Variants in BTBD2 observed in about 807,000 individuals in gnomAD.
BTBD2 encodes the protein BTB domain containing 2.
BTBD2 carries 15 observed loss-of-function variants against 44.0 expected under a neutral mutation model. The observed-to-expected ratio is 0.34, with a 90% CI of 0.23 to 0.53. The LOEUF (loss-of-function observed/expected upper bound fraction) is 0.53, where lower values mean the gene tolerates loss of function less well. Ranked by LOEUF, BTBD2 falls within the 20% of genes least tolerant of loss-of-function variation. The pLI is 0.95. For synonymous variants in BTBD2, 443 were observed against 335.9 expected, an observed-to-expected ratio of 1.32 and a Z score of -3.49; for missense variants, 657 against 746.4, an observed-to-expected ratio of 0.88 and a Z score of 1.39.
At chr19:2,013,641 C>T (rs1468103484) in intron 1 of BTBD2, 2 of 984,384 alleles carry the variant, frequency 2.0e-6, no homozygotes, top group Non-Finnish European at 2.4e-6. Context: ...GGGTCTCTGG[C>T]TGAGGTGGGG....
intron 1 of BTBD2, among the ~76,000 whole-genome samples, chr19:2,006,133 A>G (rs952190614): frequency 6.6e-6 from 1 of 152,038 alleles, no homozygotes; most frequent in African/African-American, 2.4e-5. Flanking sequence ...CTAAGAGTCC[A>G]AGGGGTCAAT....
intron 1 of BTBD2, among the ~76,000 whole-genome samples, chr19:2,013,158 A>G (rs955735608): frequency 3.9e-5 from 6 of 152,112 alleles, no homozygotes; most frequent in East Asian, 1.9e-4. Context: ...AGCTGCCCAT[A>G]AACACCCAGG....
chr19:1,999,949 A>C (rs367760655), intron 1 of BTBD2, among the ~76,000 whole-genome samples: 1 of 148,590 alleles, frequency 6.7e-6, no homozygotes, highest in Non-Finnish European at 1.5e-5. Context: ...GTGACAGAGC[A>C]AGACTAAAGA....
intron 1 of BTBD2, among the ~76,000 whole-genome samples, chr19:2,007,211 G>A (rs1294143841): frequency 1.3e-5 from 2 of 152,012 alleles, no homozygotes; most frequent in East Asian, 1.9e-4. Flanking sequence ...GGCTGGTCTT[G>A]AACTCCTGAC....
intron 1 of BTBD2, among the ~76,000 whole-genome samples, chr19:2,004,915 G>A (rs1196177969): frequency 1.3e-5 from 2 of 151,648 alleles, no homozygotes; most frequent in Admixed American, 6.6e-5. Flanking sequence ...CGTCTCCCAA[G>A]TTCAAGCGAT....
At chr19:2,008,184 A>G (rs2016418548) in intron 1 of BTBD2, among the ~76,000 whole-genome samples, 11 of 151,896 alleles carry the variant, frequency 7.2e-5, no homozygotes, top group Admixed American at 7.2e-4. Flanking sequence ...TTGTATTTTT[A>G]GTAGAGACAA....
rs1438520004 is a variant in BTBD2 at position 1,990,202 on chromosome 19, C to T, written c.791-1G>A. The T allele has an allele frequency of 6.3e-7, 1 of 1,592,886 alleles. No homozygotes were observed. Among genetic ancestry groups the T allele is most frequent in the Non-Finnish European group, 8.5e-7 (1 of 1,170,726 alleles). On this transcript the variant is annotated splice_acceptor_variant, in intron 4 of 8. Transcript: ENST00000255608. LOFTEE classifies it high-confidence loss of function. ...CGCTCCAGGACAGCCACCAGCGTGT[C>T]TGTGGGGTGGAGGAAGGGGCTGCGT...
chr19:1,986,269 C>T lies in BTBD2; in HGVS notation c.*219G>A. On this transcript the variant is annotated 3_prime_UTR_variant, in exon 9 of 9. Coordinates refer to ENST00000255608, the MANE Select transcript of BTBD2 (RefSeq NM_017797.4). ...GGATTGTCTCCACAGGGCCTGGCCA[C>T]TGGCCTGGCCACCTCCCCGGCTGCC... The T allele has an allele frequency of 1.7e-6, 1 of 576,582 alleles. No homozygotes were observed. Among genetic ancestry groups the T allele is most frequent in the Non-Finnish European group, 3.0e-6 (1 of 333,104 alleles). The allele number at this position is 576,582 out of a possible 1,614,324, so 35.7% of individuals were successfully genotyped here.
Position 1,993,040 on chromosome 19 carries a change from C to CA in BTBD2, c.663_664insT (p.Ala222CysfsTer13). 1.3e-6 allele frequency: 2 copies of CA among 1,572,904 alleles called. No homozygotes were observed. Among genetic ancestry groups the CA allele is most frequent in the Non-Finnish European group, 1.7e-6 (2 of 1,161,064 alleles). ...CCCACCTGCGTGAGCAGCATGAAGG[C>CA]GTTGTCGGCTCGCAGGTTCTTCTTC... On this transcript the variant is annotated frameshift_variant, in exon 3 of 9. Transcript: ENST00000255608. LOFTEE classifies it high-confidence loss of function.
chr19:2,012,237 C>G (rs2016475442), intron 1 of BTBD2, among the ~76,000 whole-genome samples: 1 of 150,666 alleles, frequency 6.6e-6, no homozygotes, highest in Admixed American at 6.6e-5. Context: ...CCTGCAACCT[C>G]CACCTCCTGG....
chr19:2,001,976 G>C (rs1044991098), intron 1 of BTBD2, among the ~76,000 whole-genome samples: 1 of 152,172 alleles, frequency 6.6e-6, no homozygotes, highest in Non-Finnish European at 1.5e-5. Flanking sequence ...CCTGACGTCA[G>C]ATGATCCGCC....
At chr19:2,001,178 G>A (rs2016325452) in intron 1 of BTBD2, among the ~76,000 whole-genome samples, 1 of 152,026 alleles carries the variant, frequency 6.6e-6, no homozygotes, top group African/African-American at 2.4e-5. Context: ...CAGCTACTCA[G>A]GAGGCTGAGG....
rs553819148 is a variant in BTBD2, at chr19:1,994,963, G to T, written c.528-1787C>A. On this transcript the variant is annotated intron_variant, in intron 2 of 8. Coordinates refer to ENST00000255608, the MANE Select transcript of BTBD2 (RefSeq NM_017797.4). ...CCAATGTCATGAAGATTTGATTCTG[G>T]TTTTTCTTTTTTTGTTGTTGTTGAG... Among the ~76,000 whole-genome samples, 9 of 151,982 alleles carry T rather than the reference G, an allele frequency of 5.9e-5. No individual in the cohort carries two copies. The South Asian group carries it at 1.2e-3, about 21-fold the overall frequency.
chr19:1,995,305 G>T (rs1179060096), intron 2 of BTBD2, among the ~76,000 whole-genome samples: 1 of 106,446 alleles, frequency 9.4e-6, no homozygotes, highest in Non-Finnish European at 1.9e-5. Flanking sequence ...TTTTTGAGAG[G>T]GAGTCTTGCT....
chr19:1,987,853 C>T (rs2016114749), intron 5 of BTBD2, 161 bp from the exon 6 acceptor site: 1 of 681,634 alleles, frequency 1.5e-6, no homozygotes, highest in Non-Finnish European at 2.4e-6. Flanking sequence ...GCCATGGCCC[C>T]TGCTGCCTGG....
chr19:2,006,622 G>A (rs548829778), intron 1 of BTBD2, among the ~76,000 whole-genome samples: 7 of 151,936 alleles, frequency 4.6e-5, no homozygotes, highest in African/African-American at 4.8e-5. Flanking sequence ...ATCAGGCACC[G>A]TTAGCCCAGG....
chr19:2,003,784 A>AAAG (rs1437380116), intron 1 of BTBD2, among the ~76,000 whole-genome samples: 2 of 147,038 alleles, frequency 1.4e-5, no homozygotes, highest in African/African-American at 5.0e-5. Flanking sequence ...AAAAAAAAAA[A>AAAG]AAAGAGAAAG....
intron 1 of BTBD2, among the ~76,000 whole-genome samples, chr19:2,004,587 G>A (rs113565900): frequency 0.023 from 3,415 of 150,062 alleles, 167 homozygotes; most frequent in African/African-American, 0.079. Flanking sequence ...GTGAGCCACC[G>A]CCCCCGGCCA....
chr19:1,999,526 C>T (rs910634417), intron 1 of BTBD2, among the ~76,000 whole-genome samples: 2 of 152,110 alleles, frequency 1.3e-5, no homozygotes, highest in Non-Finnish European at 1.5e-5. Context: ...ATTAGCCAGG[C>T]ATCGTGGTGA....
Sources: allele counts gnomAD v4.1 joint callset (sites outside exome capture counted in the v4.1 genomes callset), GRCh38; gene constraint gnomAD v4.1.1; transcripts MANE v1.5; gene names NCBI Gene and HGNC (gene_info 2026-07-23, HGNC 2026-07-21).